Variants in SDF4 observed in about 807,000 individuals in gnomAD.
The protein encoded by SDF4 is 45 kDa calcium-binding protein.
Under a neutral mutation model 34.2 loss-of-function variants are expected in SDF4, and 22 were observed. The ratio of observed to expected loss-of-function variants is 0.64; its 90% confidence interval spans 0.46 to 0.92. The LOEUF is 0.92. Among genes scored for constraint, SDF4 ranks in the 40% least tolerant of loss-of-function variants. The pLI is 0.00. For synonymous variants in SDF4, 236 were observed against 203.1 expected, an observed-to-expected ratio of 1.16 and a Z score of -1.38; for missense variants, 447 against 499.9, an observed-to-expected ratio of 0.89 and a Z score of 1.01.
intron 1 of SDF4, among the ~76,000 whole-genome samples, chr1:1,229,597 C>T (rs1486661888): frequency 1.3e-5 from 2 of 152,212 alleles, no homozygotes; most frequent in Non-Finnish European, 2.9e-5. Flanking sequence ...AGGGGCTAAC[C>T]TGTCCCCATC....
intron 3 of SDF4, 56 bp downstream of exon 3, chr1:1,223,776 C>A (rs1237227795): frequency 9.9e-7 from 1 of 1,014,850 alleles, no homozygotes; most frequent in East Asian, 2.6e-5. Context: ...CAGGCAAGGC[C>A]CATGGCCCTG....
chr1:1,224,137 T>C (rs6702268), intron 2 of SDF4, among the ~76,000 whole-genome samples, 169 bp from the exon 3 acceptor site: 145,067 of 152,248 alleles, frequency 0.95, 69,175 homozygotes, highest in East Asian at 1. Context: ...GCTTGTGGGG[T>C]GCCGGGCCAC....
Position 1,218,236 on chromosome 1 carries a change from G to C in SDF4, c.891+222C>G, listed in dbSNP as rs1649653366. The stretch of plus-strand genomic sequence containing the variant: ...GCCTCCGCAAGGGGCTGAGGATGGA[G>C]CCCGGCCAGGCTCGCCTGTCTCTGA... On this transcript the variant is annotated intron_variant, in intron 6 of 6. Coordinates refer to ENST00000360001, the MANE Select transcript of SDF4 (RefSeq NM_016176.6). This position sits in a 1 kb window ranked among gnomAD's most constrained non-coding sequence, Gnocchi z 7.9. 6.6e-6 allele frequency among the ~76,000 whole-genome samples: 1 copy of C among 152,200 alleles called. No individual in the cohort carries two copies. Among genetic ancestry groups the C allele is most frequent in the South Asian group, 2.1e-4 (1 of 4,834 alleles).
At chr1:1,219,913 A>G in intron 4 of SDF4, 4 of 983,272 alleles carry the variant, frequency 4.1e-6, no homozygotes, top group Middle Eastern at 5.3e-4. Context: ...GTCCCATCTT[A>G]TCCCTTTCTG....
chr1:1,218,394 C>T lies in SDF4; in HGVS notation c.891+64G>A. On this transcript the variant is annotated intron_variant, in intron 6 of 6. Coordinates refer to ENST00000360001, the MANE Select transcript of SDF4 (RefSeq NM_016176.6). This position sits in a 1 kb window ranked among gnomAD's most constrained non-coding sequence, Gnocchi z 7.9. ...GCTTCCTGCCTCAGGCCCAGATCCA[C>T]CAGCCCCTCCCGCCACAGCACCTCG... 1.3e-6 allele frequency: 2 copies of T among 1,544,270 alleles called. No homozygotes were observed. Among genetic ancestry groups the T allele is most frequent in the Non-Finnish European group, 1.7e-6 (2 of 1,143,776 alleles).
At chr1:1,226,551 C>T (rs76084981) in intron 2 of SDF4, among the ~76,000 whole-genome samples, 5,250 of 152,300 alleles carry the variant, frequency 0.034, 296 homozygotes, top group African/African-American at 0.12. Context: ...GGAGACAGGA[C>T]AGCTGAGTGA....
intron 4 of SDF4, among the ~76,000 whole-genome samples, chr1:1,222,884 T>C (rs1199727200): frequency 6.6e-6 from 1 of 152,268 alleles, no homozygotes; most frequent in Non-Finnish European, 1.5e-5. Context: ...CGCACTCACC[T>C]GCATGTACTC....
rs952125713 is a variant in SDF4, at chr1:1,231,933, A to T, written c.-216T>A. ...GCTCGGGATCCGAGGACCGGAGCGA[A>T]GCGTCAGTGACGCCGCCAACGGGCC... On this transcript the variant is annotated 5_prime_UTR_variant, in exon 1 of 7. Coordinates refer to ENST00000360001, the MANE Select transcript of SDF4 (RefSeq NM_016176.6). 2 of 152,176 alleles carry T rather than the reference A, an allele frequency of 1.3e-5. No homozygotes were observed. Among genetic ancestry groups the T allele is most frequent in the Non-Finnish European group, 2.9e-5 (2 of 68,014 alleles). 9.4% of individuals were successfully genotyped at this position (152,176 alleles called of 1,614,324 possible).
chr1:1,220,349 C>T (rs970072732), intron 4 of SDF4: 162 of 1,111,974 alleles, frequency 1.5e-4, no homozygotes, highest in Admixed American at 4.8e-4. Flanking sequence ...ACGCCTTCAC[C>T]GCGGTCCCCA....
intron 2 of SDF4, among the ~76,000 whole-genome samples, chr1:1,226,712 C>A (rs1638322011): frequency 6.6e-6 from 1 of 152,224 alleles, no homozygotes; most frequent in Non-Finnish European, 1.5e-5. Flanking sequence ...ACTTCCCACT[C>A]CCCATGCCCA....
chr1:1,222,374 GGGCCCCACCC>G (rs1310423917), intron 4 of SDF4, among the ~76,000 whole-genome samples: 1 of 152,150 alleles, frequency 6.6e-6, no homozygotes, highest in Non-Finnish European at 1.5e-5. Context: ...CCCGGGTGCC[GGGCCCCACCC>G]GGCCCCACCC....
At chr1:1,223,543 G>A (rs1303198493) in intron 3 of SDF4, among the ~76,000 whole-genome samples, 186 bp from the exon 4 acceptor site, 1 of 152,230 alleles carries the variant, frequency 6.6e-6, no homozygotes, top group Non-Finnish European at 1.5e-5. Context: ...CAACGTCTGT[G>A]CCTCGGGGCC....
At chr1:1,219,528 CAG>C in intron 4 of SDF4, 1 of 991,778 alleles carries the variant, frequency 1.0e-6, no homozygotes, top group Non-Finnish European at 1.2e-6. Context: ...TGTGACGTCA[CAG>C]GGAGGAAAAC....
At position 1,228,699 on chromosome 1, in the gene SDF4, A is replaced by G; in HGVS notation, c.74T>C (p.Met25Thr). 2 of 1,612,936 alleles carry G rather than the reference A, an allele frequency of 1.2e-6. No individual in the cohort carries two copies. Among genetic ancestry groups the G allele is most frequent in the Non-Finnish European group, 1.7e-6 (2 of 1,180,010 alleles). The change falls in exon 2 of 7, where the codon ATG becomes ACG. Residue 25 changes from methionine to threonine, a missense_variant. Physicochemically the swap from Met to Thr is moderately conservative, Grantham distance 81 (BLOSUM62 -1). Transcript: ENST00000360001. ...GTTGGCAGGCCGTGCAGACGCGTCC[A>G]TCAGAAGGACTGCCCCCAGGAGCCA... ...CLWLLGAVLL[M>T]DASARPANHS...
intron 2 of SDF4, among the ~76,000 whole-genome samples, 192 bp from the exon 3 acceptor site, chr1:1,224,160 G>A (rs6667998): frequency 0.072 from 11,008 of 152,264 alleles, 444 homozygotes; most frequent in African/African-American, 0.12. Context: ...CAGAGACACT[G>A]GGGAAGGTGG....
In SDF4 at chr1:1,229,044, T is replaced by C. The variant is rs1345674339; in HGVS notation, c.-174-98A>G. Reference sequence around the variant, plus strand: ...TGAAACATATCCTCGATTCACAGGATCCAGACATGTGGCATCGCCTTCTCC... The same window carrying C: ...TGAAACATATCCTCGATTCACAGGACCCAGACATGTGGCATCGCCTTCTCC... On this transcript the variant is annotated intron_variant, in intron 1 of 6. Coordinates refer to ENST00000360001, the MANE Select transcript of SDF4 (RefSeq NM_016176.6). 4.1e-5 allele frequency: 22 copies of C among 538,416 alleles called. No homozygotes were observed. The Admixed American group carries it at 6.7e-4, about 17-fold the overall frequency. The allele number at this position is 538,416 out of a possible 1,614,324, so 33.4% of individuals were successfully genotyped here.
chr1:1,219,676 C>T (rs1404708906), intron 4 of SDF4: 1 of 986,452 alleles, frequency 1.0e-6, no homozygotes, highest in Non-Finnish European at 1.2e-6. Context: ...GGGCCCTCAC[C>T]CCGAGGTCCC....
In SDF4 at chr1:1,217,761, C is replaced by CTATT; in HGVS notation, c.892-77_892-74dup. ...CTCCGCGGCCAGCCGCACGAAGTGG[C>CTATT]TATTTAAGGTGCCTATTGGCTGCAG... On this transcript the variant is annotated intron_variant, in intron 6 of 6. Coordinates refer to ENST00000360001, the MANE Select transcript of SDF4 (RefSeq NM_016176.6). This position sits in a 1 kb window ranked among gnomAD's most constrained non-coding sequence, Gnocchi z 8.5. 1 of 1,604,324 alleles carries CTATT rather than the reference C, an allele frequency of 6.2e-7. No homozygotes were observed. The highest frequency in any genetic ancestry group is 8.5e-7 in the Non-Finnish European group (1 of 1,176,300).
rs143037105 is a variant in SDF4 at position 1,228,604 on chromosome 1, C to T, written c.169G>A (p.Gly57Arg). The change falls in exon 2 of 7, where the codon GGG becomes AGG. Residue 57 changes from glycine (G) to arginine (R), a missense_variant. By Grantham distance (125) the Gly-to-Arg change is moderately radical (BLOSUM62 -2). Transcript: ENST00000360001. ...TGCCCGTCCATCTCCAGCTTCACCC[C>T]GTTCAGGTGGTCTGGGGGCAGGATC... ...NEILPPDHLN[G>R]VKLEMDGHLN... 5 of 1,613,132 alleles carry T rather than the reference C, an allele frequency of 3.1e-6. No individual in the cohort carries two copies. The highest frequency in any genetic ancestry group is 2.7e-5 in the African/African-American group (2 of 74,950).
Sources: gnomAD v4.1 joint callset for allele counts (sites outside exome capture counted in the v4.1 genomes callset) on GRCh38, gnomAD v4.1.1 for gene constraint, Gnocchi (gnomAD v3.1) non-coding constraint, MANE v1.5 for transcripts, NCBI Gene and HGNC (gene_info 2026-07-23, HGNC 2026-07-21) for gene names.